The following ATG16L1 variants were observed in gnomAD, a reference collection of about 807,000 sequenced individuals.
The protein encoded by ATG16L1 is autophagy related 16 like 1.
In ATG16L1, 37 loss-of-function variants were observed where a neutral mutation model predicts 88.5. The ratio of observed to expected loss-of-function variants is 0.42; its 90% CI spans 0.32 to 0.55. ATG16L1 has a LOEUF of 0.55. Among genes scored for constraint, ATG16L1 ranks in the 20% least tolerant of loss-of-function variants. The pLI is 0.13. For synonymous variants in ATG16L1, 301 were observed against 281.0 expected (o/e 1.07, Z -0.71); for missense variants, 554 against 752.8 (o/e 0.74, Z 3.09).
At chr2:233,273,220 C>G in intron 7 of ATG16L1, 168 bp downstream of exon 7, 1 of 596,836 alleles carries the variant, frequency 1.7e-6, no homozygotes, top group Non-Finnish European at 3.0e-6. Context: ...CTCAGTTCAC[C>G]TCTGCTTAAT....
intron 5 of ATG16L1, among the ~76,000 whole-genome samples, chr2:233,268,179 G>A (rs1458174578): frequency 6.6e-6 from 1 of 152,198 alleles, no homozygotes. Flanking sequence ...CTCAGGGCTG[G>A]GCACGGTGGC....
chr2:233,260,466 A>T (rs544352244), intron 2 of ATG16L1, among the ~76,000 whole-genome samples: 1 of 152,318 alleles, frequency 6.6e-6, no homozygotes, highest in African/African-American at 2.4e-5. Flanking sequence ...ACTTCCTGGA[A>T]CCAGCAACAT....
chr2:233,286,621 C>CATTTTTTTTTTTTTTTTTTTTTTTTTTT (rs34087184), intron 12 of ATG16L1, among the ~76,000 whole-genome samples: 1 of 93,290 alleles, frequency 1.1e-5, no homozygotes. Context: ...GAAGCCCAAA[C>CATTTTTTTTTTTTTTTTTTTTTTTTTTT]TTTTTTTTTT....
In ATG16L1 at chr2:233,294,648, C is replaced by A; in HGVS notation, c.*298C>A. ...ACCTTCCATACCTCACTTGGGGGAG[C>A]ACAGGGCCCCGCTGGGCCTCCTCAC... On this transcript the variant is annotated 3_prime_UTR_variant, in exon 18 of 18. Coordinates refer to ENST00000392017, the MANE Select transcript of ATG16L1 (RefSeq NM_030803.7). 1 of 232,502 alleles carries A rather than the reference C, an allele frequency of 4.3e-6. No homozygotes were observed. The highest frequency in any genetic ancestry group is 8.4e-6 in the Non-Finnish European group (1 of 118,782). 14.4% of individuals were successfully genotyped at this position (232,502 alleles called of 1,614,324 possible). A position where few individuals can be genotyped will look rare whatever the true frequency, so the allele number is the denominator to read the frequency against.
intron 3 of ATG16L1, 53 bp downstream of exon 3, chr2:233,263,288 G>A: frequency 3.3e-6 from 5 of 1,496,626 alleles, no homozygotes; most frequent in Admixed American, 1.8e-5. Context: ...AGAGTCCTGT[G>A]GGGAGCGGGG....
In ATG16L1 at chr2:233,294,548, A is replaced by G. The variant is rs1418575910; in HGVS notation, c.*198A>G. ...AGGTCTCTCTTGGCCTGGAAGAATA[A>G]CACTGAAAAAACCTGACGCTGCGGT... is the stretch of plus-strand genomic sequence containing the variant. On this transcript the variant is annotated 3_prime_UTR_variant, in exon 18 of 18. Coordinates refer to ENST00000392017, the MANE Select transcript of ATG16L1 (RefSeq NM_030803.7). The G allele has an allele frequency of 8.8e-6, 4 of 456,402 alleles. No homozygotes were observed. Among genetic ancestry groups the G allele is most frequent in the African/African-American group, 6.1e-5 (3 of 49,464 alleles). 28.3% of individuals were successfully genotyped at this position (456,402 alleles called of 1,614,324 possible).
intron 6 of ATG16L1, among the ~76,000 whole-genome samples, chr2:233,270,932 G>A (rs1451917271): frequency 6.6e-6 from 1 of 152,110 alleles, no homozygotes; most frequent in Non-Finnish European, 1.5e-5. Flanking sequence ...TAAGTGGAGG[G>A]GTTTAAATTC....
intron 5 of ATG16L1, among the ~76,000 whole-genome samples, chr2:233,269,730 C>T (rs1697855348): frequency 6.6e-6 from 1 of 152,142 alleles, no homozygotes; most frequent in African/African-American, 2.4e-5. Flanking sequence ...ACCCTTGGTC[C>T]CAGAAGGCAG....
At chr2:233,287,572 ATAG>A (rs1699168690) in intron 12 of ATG16L1, among the ~76,000 whole-genome samples, 1 of 152,206 alleles carries the variant, frequency 6.6e-6, no homozygotes. Flanking sequence ...TTTTGATAAA[ATAG>A]TTATTCAGAA....
At chr2:233,270,138 T>A (rs1697890727) in intron 6 of ATG16L1, 71 bp downstream of exon 6, 7 of 1,455,744 alleles carry the variant, frequency 4.8e-6, no homozygotes, top group Non-Finnish European at 6.5e-6. Flanking sequence ...TGTTTTTATT[T>A]TTTTTTTTGT....
intron 6 of ATG16L1, among the ~76,000 whole-genome samples, chr2:233,272,333 C>T (rs11682898): frequency 0.096 from 14,685 of 152,206 alleles, 932 homozygotes; most frequent in African/African-American, 0.17. Context: ...GTGATGGGCT[C>T]TCCTAATGTC....
intron 12 of ATG16L1, chr2:233,288,709 C>G: frequency 1.9e-6 from 1 of 513,700 alleles, no homozygotes. Flanking sequence ...TCTGAGTCCT[C>G]AGATCCCCTC....
chr2:233,273,672 T>G (rs781316125), intron 7 of ATG16L1, 49 bp from the exon 8 acceptor site: 1 of 1,579,106 alleles, frequency 6.3e-7, no homozygotes, highest in Non-Finnish European at 8.7e-7. Context: ...GATTGATTAT[T>G]TGGGCAAAAT....
chr2:233,276,022 AT>A lies in ATG16L1; in HGVS notation c.954+1245del, dbSNP rs766568678. The A allele has an allele frequency of 2.1e-4, 104 of 505,026 alleles. 1 individual carries two copies. The highest frequency in any genetic ancestry group is 5.0e-4 in the East Asian group (9 of 18,054). The allele number at this position is 505,026 out of a possible 1,614,324, so 31.3% of individuals were successfully genotyped here. A position where few individuals can be genotyped will look rare whatever the true frequency, so the allele number is the denominator to read the frequency against. ...GAGACCTCCTAAGGAGAAAGAAACCATAAAAAAGAAAAGGAAATTTCATGGG... is the reference window on the plus strand; with the variant it reads ...GAGACCTCCTAAGGAGAAAGAAACCAAAAAAAGAAAAGGAAATTTCATGGG... On this transcript the variant is annotated intron_variant, in intron 9 of 17. Transcript: ENST00000392017.
intron 2 of ATG16L1, 67 bp from the exon 3 acceptor site, chr2:233,263,063 T>C (rs1003985639): frequency 1.6e-5 from 21 of 1,351,678 alleles, no homozygotes; most frequent in Admixed American, 3.6e-5. Flanking sequence ...TTGGAAAGGT[T>C]TGGAGTCTCA....
chr2:233,282,015 A>G (rs1698750409), intron 11 of ATG16L1, among the ~76,000 whole-genome samples: 1 of 152,032 alleles, frequency 6.6e-6, no homozygotes, highest in African/African-American at 2.4e-5. Flanking sequence ...CTAAATAACC[A>G]CTCCTTGAAT....
chr2:233,272,682 T>C (rs1047341658), intron 6 of ATG16L1, among the ~76,000 whole-genome samples: 2 of 152,212 alleles, frequency 1.3e-5, no homozygotes, highest in Non-Finnish European at 2.9e-5. Context: ...GATCATATTT[T>C]ATTGCTTCAA....
chr2:233,290,113 T>C, intron 13 of ATG16L1, 135 bp from the exon 14 acceptor site: 1 of 1,500,986 alleles, frequency 6.7e-7, no homozygotes, highest in Non-Finnish European at 9.2e-7. Context: ...GCACTGAGGA[T>C]AGTGATAGTT....
intron 16 of ATG16L1, among the ~76,000 whole-genome samples, chr2:233,292,757 C>T (rs199610161): frequency 6.6e-6 from 1 of 152,208 alleles, no homozygotes; most frequent in Non-Finnish European, 1.5e-5. Context: ...GCAGGAGTGG[C>T]CGTGGGCCTG....
Sources: allele counts gnomAD v4.1 joint callset (sites outside exome capture counted in the v4.1 genomes callset), GRCh38; gene constraint gnomAD v4.1.1; transcripts MANE v1.5; gene names NCBI Gene and HGNC (gene_info 2026-07-23, HGNC 2026-07-21).